Variants in ZNF574 observed in about 807,000 individuals in gnomAD.
ZNF574 encodes the protein zinc finger protein 574.
A neutral mutation model predicts 56.6 loss-of-function variants in ZNF574; 25 were observed. The ratio of observed to expected loss-of-function variants is 0.44; its 90% CI spans 0.32 to 0.62. The LOEUF (loss-of-function observed/expected upper bound fraction) is 0.62, where lower values mean the gene tolerates loss of function less well. ZNF574 is among the 20% of genes least tolerant of loss of function. The pLI, the probability that ZNF574 is intolerant of heterozygous loss-of-function variation, is 0.04. For synonymous variants in ZNF574, 543 were observed against 492.1 expected, an observed-to-expected ratio of 1.10 and a Z score of -1.37; for missense variants, 1,065 against 1,218.9, an observed-to-expected ratio of 0.87 and a Z score of 1.88.
chr19:42,073,899 T>TGG (rs572237996), upstream of ZNF574, among the ~76,000 whole-genome samples: 6 of 99,668 alleles, frequency 6.0e-5, no homozygotes, highest in South Asian at 1.4e-3. Context: ...AGAGGCTGGG[T>TGG]GGGGGGGTGG....
In ZNF574 at chr19:42,080,581, G is replaced by A. The variant is rs764349786; in HGVS notation, c.1975G>A (p.Ala659Thr). 2.0e-5 allele frequency: 32 copies of A among 1,612,644 alleles called. No homozygotes were observed. Among genetic ancestry groups the A allele is most frequent in the Middle Eastern group, 1.7e-4 (1 of 6,052 alleles). The change falls in exon 2 of 2, where the codon GCT (alanine) becomes ACT (threonine). Residue 659 changes from alanine to threonine, a missense_variant. Coordinates refer to ENST00000359044, the MANE Select transcript of ZNF574 (RefSeq NM_022752.6). This position sits in a 1 kb window ranked among gnomAD's most constrained non-coding sequence, Gnocchi z 8.5. ...GCTCCGGGAGCACCGCTGTGCAGCCGCTGCTGCCCAGGCCCCACGGCGCTT... is the reference window on the plus strand; with the variant it reads ...GCTCCGGGAGCACCGCTGTGCAGCCACTGCTGCCCAGGCCCCACGGCGCTT... ...LRLREHRCAA[A>T]AAQAPRRFEC...
rs762917665 is a variant in ZNF574, at chr19:42,081,046, C to T, written c.2440C>T (p.Arg814Cys). 4 of 1,614,144 alleles carry T rather than the reference C, an allele frequency of 2.5e-6. No individual in the cohort carries two copies. The highest frequency in any genetic ancestry group is 1.1e-5 in the South Asian group (1 of 91,086). Residue 814 changes from arginine to cysteine, a missense_variant, in exon 2 of 2, where the codon CGC (arginine) becomes TGC (cysteine). By Grantham distance (180) the Arg-to-Cys change is radical (BLOSUM62 -3). Transcript: ENST00000359044. ...AISMRLAEHR[R>C]IHTGERPYSC... ...CTCCATGCGCCTGGCAGAACATCGC[C>T]GCATCCACACAGGCGAACGACCCTA...
exon 1 of ZNF574, chr19:42,068,911 C>T (rs960929630): frequency 8.8e-6 from 6 of 680,270 alleles, no homozygotes; most frequent in African/African-American, 1.8e-5. Flanking sequence ...AGTCTGGGAC[C>T]AGGACGGAGG....
In ZNF574 at chr19:42,081,374, A is replaced by G. The variant is rs955829445; in HGVS notation, c.*77A>G. The G allele has an allele frequency of 1.3e-6, 2 of 1,564,018 alleles. No individual in the cohort carries two copies. Among genetic ancestry groups the G allele is most frequent in the East Asian group, 2.2e-5 (1 of 44,590 alleles). ...CCAGCATCCCCTTAAGCATCTGTAC[A>G]TACTGTGTCCCTTCCTCTTCCCATC... is the stretch of plus-strand genomic sequence containing the variant. On this transcript the variant is annotated 3_prime_UTR_variant, in exon 2 of 2. Coordinates refer to ENST00000359044, the MANE Select transcript of ZNF574 (RefSeq NM_022752.6).
At chr19:42,075,851 G>C (rs1006762998), upstream of ZNF574, among the ~76,000 whole-genome samples, 1 of 152,120 alleles carries the variant, frequency 6.6e-6, no homozygotes, top group Non-Finnish European at 1.5e-5. Flanking sequence ...ACGTCATCGC[G>C]CCGCCCTCCG....
chr19:42,074,586 T>A (rs2076444568), upstream of ZNF574: 3 of 152,304 alleles, frequency 2.0e-5, no homozygotes, highest in South Asian at 6.2e-4. Flanking sequence ...GGGGCTGTTA[T>A]TAGCCCCATT....
At chr19:42,074,661 A>G (rs990767743), upstream of ZNF574, 1 of 152,078 alleles carries the variant, frequency 6.6e-6, no homozygotes, top group Non-Finnish European at 1.5e-5. Flanking sequence ...CCAATCCGGG[A>G]ATCTGTTTTA....
At chr19:42,068,952 G>A (rs1297025166) in exon 1 of ZNF574, 2 of 616,406 alleles carry the variant, frequency 3.2e-6, no homozygotes, top group Non-Finnish European at 5.9e-6. Context: ...GGACATGCCA[G>A]GGGCCCGGGG....
In ZNF574 at chr19:42,080,488, G is replaced by C. The variant is rs1343431300; in HGVS notation, c.1882G>C (p.Val628Leu). The C allele has an allele frequency of 1.9e-6, 3 of 1,613,800 alleles. No individual in the cohort carries two copies. Among genetic ancestry groups the C allele is most frequent in the Non-Finnish European group, 2.5e-6 (3 of 1,180,006 alleles). Residue 628 changes from valine to leucine, a missense_variant, in exon 2 of 2, where the codon GTG becomes CTG. Val to Leu is a conservative substitution (Grantham distance 32). Coordinates refer to ENST00000359044, the MANE Select transcript of ZNF574 (RefSeq NM_022752.6). The surrounding 1 kb of genome is among the most constrained non-coding windows in gnomAD (Gnocchi z 8.5). The part of the protein sequence containing the change: ...LRRLLEVHQL[V>L]VHAGRQPHRC... ...TCGGCTGCTGGAGGTGCACCAGCTC[G>C]TGGTCCATGCCGGGCGCCAGCCCCA...
upstream of ZNF574, among the ~76,000 whole-genome samples, chr19:42,075,565 T>A (rs1457417758): frequency 6.6e-6 from 1 of 152,196 alleles, no homozygotes; most frequent in African/African-American, 2.4e-5. Context: ...CTCCTTTTAA[T>A]AAAGTGAGTC....
At chr19:42,069,985 C>T (rs980636398) in intron 1 of ZNF574, among the ~76,000 whole-genome samples, 149 of 151,732 alleles carry the variant, frequency 9.8e-4, no homozygotes, top group Non-Finnish European at 2.7e-4. Context: ...AAGAGAAAGG[C>T]GGAGGAGGGT....
chr19:42,081,369 T>A lies in ZNF574; in HGVS notation c.*72T>A. 1 of 1,566,720 alleles carries A rather than the reference T, an allele frequency of 6.4e-7. No individual in the cohort carries two copies. The highest frequency in any genetic ancestry group is 8.8e-7 in the Non-Finnish European group (1 of 1,137,944). ...GCCCTCCAGCATCCCCTTAAGCATC[T>A]GTACATACTGTGTCCCTTCCTCTTC... On this transcript the variant is annotated 3_prime_UTR_variant, in exon 2 of 2. Coordinates refer to ENST00000359044, the MANE Select transcript of ZNF574 (RefSeq NM_022752.6).
chr19:42,073,814 C>CAAA (rs577928373), upstream of ZNF574, among the ~76,000 whole-genome samples: 1,530 of 32,030 alleles, frequency 0.048, 145 homozygotes, highest in Non-Finnish European at 0.066. Flanking sequence ...TAGACTGTCT[C>CAAA]AAAAAAAAAA....
upstream of ZNF574, among the ~76,000 whole-genome samples, chr19:42,071,341 G>A (rs563347836): frequency 7.4e-3 from 1,123 of 152,070 alleles, 25 homozygotes; most frequent in Admixed American, 0.04. Context: ...TGGCGCCGAA[G>A]GCTGAGCCCG....
chr19:42,073,131 T>C (rs1323916520), upstream of ZNF574, among the ~76,000 whole-genome samples: 4 of 152,172 alleles, frequency 2.6e-5, no homozygotes, highest in Non-Finnish European at 5.9e-5. Context: ...GGCAGGCAGG[T>C]GAGCCTGGGG....
Position 42,076,165 on chromosome 19 carries a change from CGA to C in ZNF574, c.-138_-137del. 1 of 152,500 alleles carries C rather than the reference CGA, an allele frequency of 6.6e-6. No individual in the cohort carries two copies. The highest frequency in any genetic ancestry group is 1.5e-5 in the Non-Finnish European group (1 of 68,202). 9.4% of individuals were successfully genotyped at this position (152,500 alleles called of 1,614,324 possible). On this transcript the variant is annotated 5_prime_UTR_variant, in exon 1 of 2. Transcript: ENST00000359044. Reference sequence around the variant, plus strand: ...GGGCGTTGCTGAGGGTAGCTGGGGGCGAGAGCGAGGCTACGGAGCAGGCGAGA... The same window carrying C: ...GGGCGTTGCTGAGGGTAGCTGGGGGCGAGCGAGGCTACGGAGCAGGCGAGA...
In ZNF574 at chr19:42,077,292, C is replaced by T. The variant is rs1053562818; in HGVS notation, c.-21+1006C>T. Among the ~76,000 whole-genome samples the T allele has an allele frequency of 4.6e-5, 7 of 152,038 alleles. No individual in the cohort carries two copies. The Middle Eastern group carries it at 0.01, about 222-fold the overall frequency. On this transcript the variant is annotated intron_variant, in intron 1 of 1. Transcript: ENST00000359044. ...GTATCCCTAAAGGGGGTTTGGGCAG[C>T]ACGAGGGGTGTGTGTAAAAGGAGCT...
chr19:42,074,495 T>TAAAATA, upstream of ZNF574, among the ~76,000 whole-genome samples: 1 of 142,898 alleles, frequency 7.0e-6, no homozygotes, highest in South Asian at 2.3e-4. Context: ...TAAAATAAAA[T>TAAAATA]AAAATAAAAA....
chr19:42,080,451 C>T lies in ZNF574; in HGVS notation c.1845C>T (p.Ser615=), dbSNP rs777009154. Residue 615 remains serine (S), a synonymous_variant, in exon 2 of 2, where the codon TCC becomes TCT. Coordinates refer to ENST00000359044, the MANE Select transcript of ZNF574 (RefSeq NM_022752.6). This position sits in a 1 kb window ranked among gnomAD's most constrained non-coding sequence, Gnocchi z 8.5. ...ACAAGTGTCGCGAGTGCCCCCGCTC[C>T]TTCTTGCTGCGTCGGCTGCTGGAGG... ...YPYKCRECPR[S]FLLRRLLEVH... 1.9e-6 allele frequency: 3 copies of T among 1,614,194 alleles called. No individual in the cohort carries two copies. Among genetic ancestry groups the T allele is most frequent in the South Asian group, 1.1e-5 (1 of 91,080 alleles).
Sources: allele counts gnomAD v4.1 joint callset (sites outside exome capture counted in the v4.1 genomes callset), GRCh38; gene constraint gnomAD v4.1.1; non-coding constraint Gnocchi (gnomAD v3.1); transcripts MANE v1.5; gene names NCBI Gene and HGNC (gene_info 2026-07-23, HGNC 2026-07-21).